MNAT1: variants seen among roughly 807,000 people sequenced by gnomAD.
MNAT1 encodes the protein CDK-activating kinase assembly factor MAT1.
A neutral mutation model predicts 42.0 loss-of-function variants in MNAT1; 43 were observed. That is an observed-to-expected ratio of 1.02 (90% CI 0.80 to 1.32). MNAT1 has a LOEUF of 1.32. Ranked by LOEUF, MNAT1 falls within the 40% of genes most tolerant of loss-of-function variation. The pLI, the probability that MNAT1 is intolerant of heterozygous loss-of-function variation, is 0.00. For synonymous variants in MNAT1, 118 were observed against 120.0 expected (o/e 0.98, Z 0.11); for missense variants, 306 against 350.4 (o/e 0.87, Z 1.01).
At chr14:60,947,306 A>T (rs1196005677) in intron 7 of MNAT1, among the ~76,000 whole-genome samples, 1 of 151,848 alleles carries the variant, frequency 6.6e-6, no homozygotes, top group Non-Finnish European at 1.5e-5. Flanking sequence ...GATAATTTGG[A>T]CCTCCCTCCC....
intron 7 of MNAT1, chr14:60,919,493 T>G (rs1022030573): frequency 2.6e-5 from 4 of 153,246 alleles, no homozygotes; most frequent in Admixed American, 6.6e-5. Context: ...GCTGCGTCTT[T>G]TTGGTGAGGT....
At chr14:60,773,280 A>G (rs886638421) in intron 1 of MNAT1, among the ~76,000 whole-genome samples, 14 of 152,088 alleles carry the variant, frequency 9.2e-5, no homozygotes, top group African/African-American at 3.1e-4. Flanking sequence ...GACTGTAGAG[A>G]AACTTTGAGA....
intron 6 of MNAT1, among the ~76,000 whole-genome samples, chr14:60,875,204 AC>A (rs1245614789): frequency 2.0e-5 from 3 of 152,250 alleles, no homozygotes; most frequent in Non-Finnish European, 4.4e-5. Flanking sequence ...GGTTTAAACC[AC>A]CTAGGATTTA....
At chr14:60,876,475 G>A (rs746082836) in intron 6 of MNAT1, among the ~76,000 whole-genome samples, 1 of 151,942 alleles carries the variant, frequency 6.6e-6, no homozygotes, top group Non-Finnish European at 1.5e-5. Context: ...ACATTTCTGT[G>A]ACATTAAGTA....
chr14:60,853,173 A>G (rs1361739826), intron 6 of MNAT1, among the ~76,000 whole-genome samples: 2 of 152,124 alleles, frequency 1.3e-5, no homozygotes, highest in Admixed American at 6.5e-5. Context: ...CTTCCTATCC[A>G]TGAGCATGGA....
intron 1 of MNAT1, among the ~76,000 whole-genome samples, chr14:60,790,695 T>C (rs1024875658): frequency 1.1e-4 from 17 of 152,194 alleles, no homozygotes; most frequent in South Asian, 2.1e-4. Context: ...ACTTCCTAAA[T>C]TGACTGAGTC....
At chr14:60,923,259 T>C (rs2035698182) in intron 7 of MNAT1, among the ~76,000 whole-genome samples, 1 of 152,190 alleles carries the variant, frequency 6.6e-6, no homozygotes. Context: ...GAGTTTGTGA[T>C]TCAGTAGGGC....
chr14:60,939,192 T>G (rs1330763067), intron 7 of MNAT1, among the ~76,000 whole-genome samples: 1 of 152,240 alleles, frequency 6.6e-6, no homozygotes, highest in Admixed American at 6.5e-5. Flanking sequence ...AGCTCCTGGA[T>G]TCATTGATTT....
intron 7 of MNAT1, among the ~76,000 whole-genome samples, chr14:60,932,888 C>A (rs2035918033): frequency 6.6e-6 from 1 of 151,942 alleles, no homozygotes; most frequent in African/African-American, 2.4e-5. Context: ...TAACCATAAT[C>A]TTAAAAACAA....
intron 6 of MNAT1, among the ~76,000 whole-genome samples, chr14:60,871,465 GT>G (rs1444022256): frequency 5.3e-5 from 8 of 152,120 alleles, no homozygotes; most frequent in African/African-American, 1.9e-4. Flanking sequence ...TTGTCTGTCA[GT>G]TTGGTTGTTG....
chr14:60,942,516 C>T (rs1395111898), intron 7 of MNAT1, among the ~76,000 whole-genome samples: 2 of 150,076 alleles, frequency 1.3e-5, no homozygotes, highest in African/African-American at 2.4e-5. Flanking sequence ...AGTAATCTCG[C>T]GGTACTGACA....
chr14:60,792,789 G>A (rs1178763118), intron 1 of MNAT1, among the ~76,000 whole-genome samples: 2 of 152,164 alleles, frequency 1.3e-5, no homozygotes, highest in Non-Finnish European at 2.9e-5. Context: ...GAAAAAGGAT[G>A]TCATTCTGAT....
rs151115575 is a variant in MNAT1, at chr14:60,931,866, AC to A, written c.810-36362del. Among the ~76,000 whole-genome samples the A allele has an allele frequency of 7.2e-4, 110 of 152,148 alleles. 2 individuals carry two copies. In the East Asian group the frequency reaches 0.018, roughly 25 times the overall value. ...ATCCTCAAAGTTTTTTTTTAAAAAA[AC>A]AATGGTGAATTAATTATATACTCCC... On this transcript the variant is annotated intron_variant, in intron 7 of 7. Transcript: ENST00000261245.
At chr14:60,830,848 C>T (rs543755445) in intron 6 of MNAT1, among the ~76,000 whole-genome samples, 8 of 151,224 alleles carry the variant, frequency 5.3e-5, no homozygotes, top group Non-Finnish European at 1.2e-4. Context: ...ATACAATTTG[C>T]CACAACTTCA....
chr14:60,862,415 G>A (rs928864678), intron 6 of MNAT1, among the ~76,000 whole-genome samples: 1 of 152,112 alleles, frequency 6.6e-6, no homozygotes, highest in Middle Eastern at 3.2e-3. Context: ...GATTATACTT[G>A]GCTGTATGTG....
At position 60,773,505 on chromosome 14, in the gene MNAT1, A is replaced by G. The variant is rs559388973; in HGVS notation, c.90-22712A>G. On this transcript the variant is annotated intron_variant, in intron 1 of 7. Transcript: ENST00000261245. ...GATTCTTGATTTTGATAAGTGGGCCATAAAAAGCAGGATATATATCAATTG... is the reference window on the plus strand; with the variant it reads ...GATTCTTGATTTTGATAAGTGGGCCGTAAAAAGCAGGATATATATCAATTG... Among the ~76,000 whole-genome samples the G allele has an allele frequency of 3.3e-5, 5 of 152,222 alleles. No homozygotes were observed. The East Asian group carries it at 9.7e-4, about 29-fold the overall frequency.
intron 7 of MNAT1, among the ~76,000 whole-genome samples, chr14:60,881,113 T>C (rs1210755844): frequency 6.6e-6 from 1 of 152,192 alleles, no homozygotes; most frequent in Admixed American, 6.5e-5. Context: ...TTTCCAATAA[T>C]TTTGTCAAAA....
At chr14:60,941,718 T>G (rs1207186667) in intron 7 of MNAT1, among the ~76,000 whole-genome samples, 2 of 146,476 alleles carry the variant, frequency 1.4e-5, no homozygotes, top group African/African-American at 5.0e-5. Flanking sequence ...AAAAAAAAAG[T>G]CAATGGCCGG....
At chr14:60,907,717 G>C (rs1188485493) in intron 7 of MNAT1, among the ~76,000 whole-genome samples, 1 of 143,532 alleles carries the variant, frequency 7.0e-6, no homozygotes, top group African/African-American at 2.5e-5. Flanking sequence ...AGGAGGCAGA[G>C]GTTGTGGTGA....
Sources: allele counts gnomAD v4.1 joint callset (sites outside exome capture counted in the v4.1 genomes callset), GRCh38; gene constraint gnomAD v4.1.1; transcripts MANE v1.5; gene names NCBI Gene and HGNC (gene_info 2026-07-23, HGNC 2026-07-21).